Variants in NXPE4 observed in about 807,000 individuals in gnomAD.
NXPE4 encodes the protein NXPE family member 4.
Under a neutral mutation model 33.3 loss-of-function variants are expected in NXPE4, and 42 were observed. That is an observed-to-expected ratio of 1.26 (90% CI 0.98 to 1.63). The LOEUF (loss-of-function observed/expected upper bound fraction) is 1.63. NXPE4 is among the 40% of genes most tolerant of loss of function. The pLI is 0.00. For missense variants in NXPE4, 709 were observed against 647.6 expected (o/e 1.09, Z -1.03); for synonymous variants, 253 against 234.9 (o/e 1.08, Z -0.71).
At chr11:114,644,623 A>C in the NXPE4 span, among the ~76,000 whole-genome samples, 1 of 152,200 alleles carries the variant, frequency 6.6e-6, no homozygotes, top group Non-Finnish European at 1.5e-5. Context: ...AGGACATGAA[A>C]GAAGGCATGA....
At chr11:114,598,402 C>A (rs1325983262), upstream of NXPE4, among the ~76,000 whole-genome samples, 6 of 144,388 alleles carry the variant, frequency 4.2e-5, no homozygotes, top group Admixed American at 4.2e-4. Flanking sequence ...CTAGGCAGTG[C>A]CCCAGTGGGG....
chr11:114,625,586 C>T, the NXPE4 span, among the ~76,000 whole-genome samples: 1 of 152,138 alleles, frequency 6.6e-6, no homozygotes, highest in African/African-American at 2.4e-5. Context: ...CGTGGGTAAC[C>T]ACTGTTATCT....
rs568944389 is a variant in NXPE4, at chr11:114,574,513, G to A, written c.1100-3040C>T. 2.0e-5 allele frequency among the ~76,000 whole-genome samples: 3 copies of A among 152,150 alleles called. No individual in the cohort carries two copies. The South Asian group carries it at 6.2e-4, about 32-fold the overall frequency. On this transcript the variant is annotated intron_variant, in intron 5 of 5. Transcript: ENST00000375478. The stretch of plus-strand genomic sequence containing the variant: ...ATAAGCTCAATTAGAAATAAAACAG[G>A]AGATATTACAACTGATACCACAGAA...
the NXPE4 span, among the ~76,000 whole-genome samples, chr11:114,652,022 A>G: frequency 6.6e-6 from 1 of 152,146 alleles, no homozygotes; most frequent in African/African-American, 2.4e-5. Flanking sequence ...CTCAATTGGA[A>G]CTCCAAAGCA....
chr11:114,610,118 C>A, the NXPE4 span, among the ~76,000 whole-genome samples: 4 of 151,470 alleles, frequency 2.6e-5, no homozygotes, highest in African/African-American at 7.3e-5. Flanking sequence ...TTGTGGGTAA[C>A]CCGTTACCCC....
chr11:114,635,115 T>C, the NXPE4 span, among the ~76,000 whole-genome samples: 1 of 151,550 alleles, frequency 6.6e-6, no homozygotes, highest in Non-Finnish European at 1.5e-5. Flanking sequence ...GTTCTTCCAT[T>C]TGTTTGTATC....
At chr11:114,663,088 C>A in the NXPE4 span, among the ~76,000 whole-genome samples, 6 of 152,178 alleles carry the variant, frequency 3.9e-5, no homozygotes, top group African/African-American at 1.4e-4. Flanking sequence ...GGGTCAGTAC[C>A]AGGCCAGGCA....
the NXPE4 span, among the ~76,000 whole-genome samples, chr11:114,675,169 A>G: frequency 1.3e-5 from 2 of 151,912 alleles, no homozygotes; most frequent in Non-Finnish European, 3.0e-5. Flanking sequence ...ACTCCAACAC[A>G]ATAAACACTA....
upstream of NXPE4, among the ~76,000 whole-genome samples, chr11:114,599,695 G>T (rs1421115456): frequency 2.0e-5 from 3 of 152,136 alleles, no homozygotes; most frequent in Non-Finnish European, 1.5e-5. Flanking sequence ...CAGAGCAGGA[G>T]CATGAGTTTG....
chr11:114,650,237 G>C, the NXPE4 span, among the ~76,000 whole-genome samples: 1 of 152,154 alleles, frequency 6.6e-6, no homozygotes, highest in Non-Finnish European at 1.5e-5. Context: ...ACAGGAAAAA[G>C]AGGAGAGAGC....
the NXPE4 span, among the ~76,000 whole-genome samples, chr11:114,633,441 C>T: frequency 6.9e-6 from 1 of 143,958 alleles, no homozygotes; most frequent in African/African-American, 2.5e-5. Flanking sequence ...GTATAGTATA[C>T]AATGTATATT....
intron 3 of NXPE4, 44 bp downstream of exon 3, chr11:114,582,244 T>A: frequency 6.6e-7 from 1 of 1,523,324 alleles, no homozygotes; most frequent in Non-Finnish European, 8.8e-7. Context: ...ATAGGCCAAA[T>A]CACAATATTT....
the NXPE4 span, among the ~76,000 whole-genome samples, chr11:114,613,835 C>T: frequency 5.3e-5 from 8 of 151,666 alleles, no homozygotes; most frequent in Admixed American, 3.9e-4. Context: ...CACTGTTACC[C>T]TGTGGATAAT....
chr11:114,581,610 G>A (rs1949147216), intron 4 of NXPE4, 115 bp downstream of exon 4: 1 of 811,358 alleles, frequency 1.2e-6, no homozygotes, highest in Non-Finnish European at 2.0e-6. Flanking sequence ...CCTTAGATAA[G>A]CCAGATGAAC....
chr11:114,634,210 C>T, the NXPE4 span, among the ~76,000 whole-genome samples: 11 of 151,828 alleles, frequency 7.2e-5, 1 homozygote, highest in East Asian at 1.9e-3. Flanking sequence ...TCTCTGATGG[C>T]CAGTGATGGT....
chr11:114,620,254 T>C, the NXPE4 span, among the ~76,000 whole-genome samples: 1 of 152,136 alleles, frequency 6.6e-6, no homozygotes, highest in African/African-American at 2.4e-5. Context: ...AATTATTGCC[T>C]CGTGGGTAAC....
At chr11:114,587,006 G>A (rs1053639034) in intron 2 of NXPE4, among the ~76,000 whole-genome samples, 3 of 152,098 alleles carry the variant, frequency 2.0e-5, no homozygotes, top group Non-Finnish European at 4.4e-5. Context: ...GGTCTGGAGA[G>A]CACATGGTAT....
At chr11:114,663,678 T>TTATCTATCTATCTATC in the NXPE4 span, among the ~76,000 whole-genome samples, 3,089 of 145,998 alleles carry the variant, frequency 0.021, 39 homozygotes, top group Admixed American at 0.024. Flanking sequence ...ATCTATCTAT[T>TTATCTATCTATCTATC]TATCTATCTA....
chr11:114,620,877 G>C, the NXPE4 span, among the ~76,000 whole-genome samples: 5 of 152,114 alleles, frequency 3.3e-5, no homozygotes, highest in Non-Finnish European at 7.4e-5. Context: ...TGGATAATAA[G>C]TATTGCCTCA....
Sources: gnomAD v4.1 joint callset for allele counts (sites outside exome capture counted in the v4.1 genomes callset) on GRCh38, gnomAD v4.1.1 for gene constraint, MANE v1.5 for transcripts, NCBI Gene and HGNC (gene_info 2026-07-23, HGNC 2026-07-21) for gene names.